SEMA3A: variants seen among roughly 807,000 people sequenced by gnomAD.
SEMA3A encodes the protein semaphorin-3A.
In SEMA3A, 29 loss-of-function variants were observed where a neutral mutation model predicts 97.9. The observed-to-expected ratio is 0.30, with a 90% confidence interval of 0.22 to 0.40. SEMA3A has a LOEUF of 0.40. Among genes scored for constraint, SEMA3A ranks in the 10% least tolerant of loss-of-function variants. The pLI, the probability that SEMA3A is intolerant of heterozygous loss-of-function variation, is 1.00. For missense variants in SEMA3A, 763 were observed against 951.3 expected (o/e 0.80, Z 2.60); for synonymous variants, 321 against 323.7 (o/e 0.99, Z 0.09).
At chr7:84,063,738 G>C (rs1793355176) in intron 4 of SEMA3A, among the ~76,000 whole-genome samples, 1 of 149,998 alleles carries the variant, frequency 6.7e-6, no homozygotes. Context: ...AAAAAGAAAT[G>C]AGCAAAGCCT....
At chr7:83,999,185 G>T (rs1057420026) in intron 12 of SEMA3A, among the ~76,000 whole-genome samples, 1 of 152,102 alleles carries the variant, frequency 6.6e-6, no homozygotes, top group African/African-American at 2.4e-5. Flanking sequence ...CCATAATGTT[G>T]TTATGCAGCG....
intron 1 of SEMA3A, among the ~76,000 whole-genome samples, chr7:84,387,075 T>G (rs1803418134): frequency 6.6e-6 from 1 of 151,896 alleles, no homozygotes. Flanking sequence ...CCCAGAGAGG[T>G]TAAAAGAGAT....
chr7:84,434,434 A>G (rs1805070642), intron 1 of SEMA3A, among the ~76,000 whole-genome samples: 1 of 152,160 alleles, frequency 6.6e-6, no homozygotes, highest in Non-Finnish European at 1.5e-5. Context: ...TACTAGACAT[A>G]TAAAAAGAGC....
At chr7:84,037,153 TTC>T (rs147492016) in intron 6 of SEMA3A, among the ~76,000 whole-genome samples, 21,796 of 140,330 alleles carry the variant, frequency 0.16, 1,674 homozygotes, top group East Asian at 0.37. Context: ...TAAGTTTTTT[TTC>T]TTTTTTTCAA....
intron 1 of SEMA3A, among the ~76,000 whole-genome samples, chr7:84,165,490 A>T (rs1412808834): frequency 8.7e-6 from 1 of 115,554 alleles, no homozygotes; most frequent in African/African-American, 3.0e-5. Flanking sequence ...TGTTCTAGTG[A>T]AAAAAAAAAT....
At chr7:84,403,387 A>T (rs947839692) in intron 1 of SEMA3A, among the ~76,000 whole-genome samples, 3 of 152,238 alleles carry the variant, frequency 2.0e-5, no homozygotes, top group Admixed American at 2.0e-4. Context: ...GTAGGTAAAC[A>T]AAGCGGCTGG....
chr7:84,132,986 C>T (rs893424468), intron 2 of SEMA3A, among the ~76,000 whole-genome samples: 9 of 151,886 alleles, frequency 5.9e-5, no homozygotes, highest in Non-Finnish European at 1.2e-4. Flanking sequence ...ATTTTGTGCT[C>T]ATTTTATAAA....
At chr7:84,172,131 C>T (rs185306009) in intron 1 of SEMA3A, among the ~76,000 whole-genome samples, 3 of 152,240 alleles carry the variant, frequency 2.0e-5, no homozygotes, top group Admixed American at 1.3e-4. Flanking sequence ...ATTAAATAGA[C>T]CTTCGCTCTC....
At chr7:84,114,556 T>C (rs1391380310) in intron 3 of SEMA3A, among the ~76,000 whole-genome samples, 1 of 151,828 alleles carries the variant, frequency 6.6e-6, no homozygotes, top group African/African-American at 2.4e-5. Context: ...CCTATCATGA[T>C]GGGTGGATAC....
chr7:84,424,440 A>G (rs1804688812), intron 1 of SEMA3A, among the ~76,000 whole-genome samples: 1 of 126,940 alleles, frequency 7.9e-6, no homozygotes, highest in South Asian at 2.2e-4. Context: ...ATAAATACAT[A>G]ATATATAATA....
In SEMA3A at chr7:84,232,067, T is replaced by C. The variant is rs73384812; in HGVS notation, c.-82-37399A>G. Among the ~76,000 whole-genome samples the C allele has an allele frequency of 9.9e-3, 1,498 of 151,290 alleles. 33 individuals carry two copies. The highest frequency in any genetic ancestry group is 0.035 in the African/African-American group (1,427 of 41,292). On this transcript the variant is annotated intron_variant, in intron 3 of 3. Transcript: ENST00000424555. The stretch of plus-strand genomic sequence containing the variant: ...ATGTGTGTGTGTTCATATATATATA[T>C]ACACACACATACATACACACACCCA...
intron 1 of SEMA3A, among the ~76,000 whole-genome samples, chr7:84,463,479 A>T (rs1805915132): frequency 6.6e-6 from 1 of 151,352 alleles, no homozygotes; most frequent in Non-Finnish European, 1.5e-5. Flanking sequence ...CGATCTCCTA[A>T]CCTCGTGATC....
In SEMA3A at chr7:84,134,730, G is replaced by C. The variant is rs1297921133; in HGVS notation, c.270+64C>G. 2.4e-5 allele frequency: 30 copies of C among 1,232,322 alleles called. No homozygotes were observed. The Admixed American group carries it at 7.9e-4, about 32-fold the overall frequency. The allele number at this position is 1,232,322 out of a possible 1,614,324, so 76.3% of individuals were successfully genotyped here. Reference sequence around the variant, plus strand: ...CAGTAATCATGCTTTTAAATAGCTAGAGAATTATCTATAACTTGAGATGCT... The same window carrying C: ...CAGTAATCATGCTTTTAAATAGCTACAGAATTATCTATAACTTGAGATGCT... On this transcript the variant is annotated intron_variant, in intron 2 of 16. Coordinates refer to ENST00000265362, the MANE Select transcript of SEMA3A (RefSeq NM_006080.3).
chr7:84,459,059 T>A (rs2116383330), intron 1 of SEMA3A, among the ~76,000 whole-genome samples: 1 of 152,204 alleles, frequency 6.6e-6, no homozygotes, highest in Admixed American at 6.5e-5. Context: ...ATCATCACCC[T>A]CCCAGCTCCT....
intron 3 of SEMA3A, among the ~76,000 whole-genome samples, chr7:84,121,171 C>A (rs1198201627): frequency 6.6e-6 from 1 of 152,110 alleles, no homozygotes; most frequent in African/African-American, 2.4e-5. Context: ...AAAACACTAT[C>A]GTAACTGTAT....
At chr7:84,450,678 A>T (rs896188669) in intron 1 of SEMA3A, among the ~76,000 whole-genome samples, 2 of 152,154 alleles carry the variant, frequency 1.3e-5, no homozygotes, top group South Asian at 4.1e-4. Flanking sequence ...GTTCTGTCTC[A>T]TTGTACTAGA....
At chr7:84,272,766 C>T (rs1800183759) in intron 3 of SEMA3A, among the ~76,000 whole-genome samples, 1 of 152,076 alleles carries the variant, frequency 6.6e-6, no homozygotes, top group Admixed American at 6.6e-5. Context: ...GAAAACTGTA[C>T]TATTTGGTCC....
chr7:84,486,540 T>C (rs1806577541), intron 1 of SEMA3A, among the ~76,000 whole-genome samples: 1 of 152,210 alleles, frequency 6.6e-6, no homozygotes, highest in South Asian at 2.1e-4. Flanking sequence ...TTCTATCTTA[T>C]AGTAACTTCT....
At chr7:84,079,851 G>A in intron 4 of SEMA3A, among the ~76,000 whole-genome samples, 1 of 142,100 alleles carries the variant, frequency 7.0e-6, no homozygotes, top group South Asian at 2.4e-4. Context: ...TCCCATTACT[G>A]GGTATATACC....
Sources: allele counts gnomAD v4.1 joint callset (sites outside exome capture counted in the v4.1 genomes callset), GRCh38; gene constraint gnomAD v4.1.1; transcripts MANE v1.5; gene names NCBI Gene and HGNC (gene_info 2026-07-23, HGNC 2026-07-21).